The following SLC35H1 variants were observed in gnomAD, a reference collection of about 807,000 sequenced individuals.
The protein encoded by SLC35H1 is solute carrier family 35 member H1.
At chr20:46,355,909 G>A in the SLC35H1 span, 1 of 1,613,680 alleles carries the variant, frequency 6.2e-7, no homozygotes, top group Non-Finnish European at 8.5e-7. The surrounding 1 kb of genome is among the most constrained non-coding windows in gnomAD (Gnocchi z 4.8). Context: ...CACTGCTGGA[G>A]CTCAGGGCTC....
the SLC35H1 span, chr20:46,359,083 C>A: frequency 5.5e-6 from 2 of 362,384 alleles, no homozygotes; most frequent in Admixed American, 7.8e-5. Flanking sequence ...CCCTGCTGGT[C>A]TTCCCAGTCT....
chr20:46,350,882 G>A, the SLC35H1 span: 1 of 1,613,930 alleles, frequency 6.2e-7, no homozygotes, highest in Non-Finnish European at 8.5e-7. Flanking sequence ...ACAGCAAAGT[G>A]CAGACTTCCT....
At chr20:46,360,421 C>T in the SLC35H1 span, among the ~76,000 whole-genome samples, 1 of 152,208 alleles carries the variant, frequency 6.6e-6, no homozygotes, top group Non-Finnish European at 1.5e-5. Flanking sequence ...AGGGTCCACA[C>T]AGAAGGGACA....
the SLC35H1 span, among the ~76,000 whole-genome samples, chr20:46,361,487 C>T: frequency 8.5e-5 from 13 of 152,192 alleles, no homozygotes; most frequent in Non-Finnish European, 1.5e-4. Context: ...ACAAAGAGGG[C>T]GCATGGGCCT....
the SLC35H1 span, chr20:46,350,860 G>GAT: frequency 6.2e-7 from 1 of 1,614,088 alleles, no homozygotes. Flanking sequence ...TCGCCCAGCA[G>GAT]ATGAGCTGCC....
the SLC35H1 span, chr20:46,364,020 A>G: frequency 6.6e-6 from 1 of 152,304 alleles, no homozygotes; most frequent in Non-Finnish European, 1.5e-5. Context: ...CCCACCTCTG[A>G]CGTTTCCTTG....
At chr20:46,350,533 A>G in the SLC35H1 span, 6 of 1,581,544 alleles carry the variant, frequency 3.8e-6, no homozygotes, top group South Asian at 5.7e-5. Context: ...ACCTTGGGAT[A>G]GAGAGAGACC....
chr20:46,361,756 T>G, the SLC35H1 span, among the ~76,000 whole-genome samples: 64 of 152,204 alleles, frequency 4.2e-4, no homozygotes, highest in African/African-American at 1.4e-3. Context: ...CTGCTCCCTG[T>G]TGAGAACCAC....
At chr20:46,356,034 A>G in the SLC35H1 span, among the ~76,000 whole-genome samples, 2 of 152,240 alleles carry the variant, frequency 1.3e-5, no homozygotes, top group African/African-American at 4.8e-5. Flanking sequence ...TCTCTGACTA[A>G]GAGGCCTCTG....
At chr20:46,362,733 C>T in the SLC35H1 span, among the ~76,000 whole-genome samples, 1 of 152,318 alleles carries the variant, frequency 6.6e-6, no homozygotes, top group East Asian at 1.9e-4. Flanking sequence ...AGTCACCACA[C>T]CCTCCTCCCT....
At chr20:46,350,396 A>C in the SLC35H1 span, 4 of 1,606,282 alleles carry the variant, frequency 2.5e-6, no homozygotes, top group Non-Finnish European at 3.4e-6. Flanking sequence ...CTGGCTGGTC[A>C]CTGCTGCCCC....
the SLC35H1 span, chr20:46,358,287 G>A: frequency 2.7e-6 from 3 of 1,114,634 alleles, no homozygotes; most frequent in Non-Finnish European, 4.1e-6. Flanking sequence ...CAGTTAGACT[G>A]GTTGAAGCTT....
At chr20:46,358,694 AG>A in the SLC35H1 span, 1 of 1,551,016 alleles carries the variant, frequency 6.4e-7, no homozygotes, top group Non-Finnish European at 8.7e-7. Context: ...TCCTCACCTA[AG>A]GGGCTGGTGG....
At chr20:46,358,775 A>T in the SLC35H1 span, 1 of 1,463,554 alleles carries the variant, frequency 6.8e-7, no homozygotes. Context: ...TGCTGGGGAA[A>T]AAGGGCCGCT....
chr20:46,358,936 C>T, the SLC35H1 span: 1 of 616,138 alleles, frequency 1.6e-6, no homozygotes, highest in East Asian at 2.8e-5. Flanking sequence ...AAGCTATTCT[C>T]CATGAACTGC....
chr20:46,358,308 G>T, the SLC35H1 span: 1 of 1,327,060 alleles, frequency 7.5e-7, no homozygotes, highest in Non-Finnish European at 1.1e-6. Flanking sequence ...GTGCCTTCCT[G>T]TTAAACATGA....
chr20:46,361,427 T>C, the SLC35H1 span, among the ~76,000 whole-genome samples: 20,368 of 152,182 alleles, frequency 0.13, 2,147 homozygotes, highest in African/African-American at 0.29. Flanking sequence ...AGGAGTCTCC[T>C]ACACGGTTCT....
chr20:46,358,437 A>G, the SLC35H1 span: 23 of 1,614,202 alleles, frequency 1.4e-5, no homozygotes, highest in Non-Finnish European at 1.9e-5. Context: ...AAGCAGTAGT[A>G]GAGAAGCACC....
chr20:46,352,319 T>A, the SLC35H1 span: 1 of 1,141,872 alleles, frequency 8.8e-7, no homozygotes, highest in Non-Finnish European at 1.3e-6. Flanking sequence ...ACTGTAGTAG[T>A]GAGTTCTTAC....
Sources: gnomAD v4.1 joint callset for allele counts (sites outside exome capture counted in the v4.1 genomes callset) on GRCh38, gnomAD v4.1.1 for gene constraint, Gnocchi (gnomAD v3.1) non-coding constraint, MANE v1.5 for transcripts, NCBI Gene and HGNC (gene_info 2026-07-23, HGNC 2026-07-21) for gene names.